Variants in SYNM observed in about 807,000 individuals in gnomAD.
SYNM encodes the protein desmuslin.
Under a neutral mutation model 104.0 loss-of-function variants are expected in SYNM, and 95 were observed. The observed-to-expected ratio is 0.91, with a 90% confidence interval of 0.77 to 1.08. The LOEUF is 1.08. SYNM is among the 50% of genes least tolerant of loss of function. SYNM has a pLI of 0.00. For synonymous variants in SYNM, 918 were observed against 869.0 expected, an observed-to-expected ratio of 1.06 and a Z score of -0.99; for missense variants, 2,150 against 2,052.2, an observed-to-expected ratio of 1.05 and a Z score of -0.92.
rs782689251 is a variant in SYNM, at chr15:99,131,394, G to A, written c.3034G>A (p.Asp1012Asn). 1.5e-5 allele frequency: 24 copies of A among 1,612,150 alleles called. No individual in the cohort carries two copies. The highest frequency in any genetic ancestry group is 2.0e-5 in the Non-Finnish European group (23 of 1,179,282). ...CAACGTCTCACAAACTGTGGATGCC[G>A]ATCGGTTAGACCTGGAGGAGCTGAG... ...EVNVSQTVDA[D>N]RLDLEELSKD... The change falls in exon 4 of 4, where the codon GAT becomes AAT. Residue 1012 changes from aspartate (D) to asparagine (N), a missense_variant. Transcript: ENST00000336292. This position sits in a 1 kb window ranked among gnomAD's most constrained non-coding sequence, Gnocchi z 4.3.
intron 2 of SYNM, among the ~76,000 whole-genome samples, chr15:99,121,560 G>A (rs2067401222): frequency 1.3e-5 from 2 of 152,180 alleles, no homozygotes; most frequent in Admixed American, 1.3e-4. Flanking sequence ...AATTGATGAT[G>A]AGATGGTGAA....
At position 99,132,680 on chromosome 15, in the gene SYNM, G is replaced by A; in HGVS notation, c.4320G>A (p.Lys1440=). The stretch of plus-strand genomic sequence containing the variant: ...CAGCGGACTCCCCTGAGCTAGGCAA[G>A]TTAGCAGACAGCAGCAGAACGCTAA... ...AGSADSPELG[K]LADSSRTLRH... is the part of the protein sequence containing the mutation. Residue 1440 remains lysine (K), a synonymous_variant, in exon 4 of 4, where the codon AAG becomes AAA. Transcript: ENST00000336292. 1 of 1,614,026 alleles carries A rather than the reference G, an allele frequency of 6.2e-7. No individual in the cohort carries two copies. Among genetic ancestry groups the A allele is most frequent in the Non-Finnish European group, 8.5e-7 (1 of 1,179,894 alleles).
Position 99,129,614 on chromosome 15 carries a change from C to T in SYNM, c.1254C>T (p.Ala418=), listed in dbSNP as rs782527382. 5.6e-5 allele frequency: 91 copies of T among 1,613,784 alleles called. No individual in the cohort carries two copies. Among genetic ancestry groups the T allele is most frequent in the Middle Eastern group, 1.6e-4 (1 of 6,084 alleles). The change falls in exon 4 of 4, where the codon GCC becomes GCT. Residue 418 remains alanine, a synonymous_variant. Transcript: ENST00000336292. ...AGCAGGAAAACTCATACGGAAAAGCCGTCAGCAGTCAAACCAACGTCAGAA... is the reference window on the plus strand; with the variant it reads ...AGCAGGAAAACTCATACGGAAAAGCTGTCAGCAGTCAAACCAACGTCAGAA... ...TTQQENSYGK[A]VSSQTNVRTF...
chr15:99,105,718 CG>C lies in SYNM; in HGVS notation c.520del (p.Ala174ProfsTer99). The C allele has an allele frequency of 6.7e-7, 1 of 1,498,384 alleles. No homozygotes were observed. The allele number at this position is 1,498,384 out of a possible 1,614,324, so 92.8% of individuals were successfully genotyped here. A position where few individuals can be genotyped will look rare whatever the true frequency, so the allele number is the denominator to read the frequency against. Reference protein sequence around the residue: ...MHFRARATGPAAPPPRLREVH... With the variant: ...MHFRARATGPXAPPPRLREVH... ...ATTTCCGCGCCCGCGCCACCGGCCCCGCCGCGCCGCCGCCACGCCTGCGGGA... is the reference window on the plus strand; with the variant it reads ...ATTTCCGCGCCCGCGCCACCGGCCCCCCGCGCCGCCGCCACGCCTGCGGGA... On this transcript the variant is annotated frameshift_variant, in exon 1 of 4. Transcript: ENST00000336292. LOFTEE classifies it high-confidence loss of function.
rs569805981 is a variant in SYNM at position 99,116,576 on chromosome 15, C to A, written c.935+2861C>A. ...GTGCTGGCATCTGCTCCTGGTGAAG[C>A]CTCAGGAAGCATACAGTCATGGTGG... On this transcript the variant is annotated intron_variant, in intron 2 of 3. Coordinates refer to ENST00000336292, the MANE Select transcript of SYNM (RefSeq NM_145728.3). 3.2e-4 allele frequency among the ~76,000 whole-genome samples: 46 copies of A among 143,908 alleles called. 5 individuals carry two copies. The highest frequency in any genetic ancestry group is 2.8e-3 in the Admixed American group (39 of 14,032). The allele number at this position is 143,908 out of a possible 152,430, so 94.4% of individuals were successfully genotyped here.
In SYNM at chr15:99,105,547, G is replaced by C. The variant is rs543379709; in HGVS notation, c.348G>C (p.Gln116His). ...RGRLDAELGA[Q>H]QRELQEALGA... is the part of the protein sequence containing the mutation. ...GCCTGGACGCCGAGCTGGGTGCGCA[G>C]CAGCGCGAGCTGCAGGAGGCGCTGG... Residue 116 changes from glutamine to histidine, a missense_variant, in exon 1 of 4, where the codon CAG becomes CAC. By Grantham distance (24) the Gln-to-His change is conservative. Transcript: ENST00000336292. The C allele has an allele frequency of 8.3e-7, 1 of 1,210,682 alleles. No individual in the cohort carries two copies. Among genetic ancestry groups the C allele is most frequent in the East Asian group, 3.7e-5 (1 of 27,216 alleles). 75.0% of individuals were successfully genotyped at this position (1,210,682 alleles called of 1,614,324 possible). A position where few individuals can be genotyped will look rare whatever the true frequency, so the allele number is the denominator to read the frequency against.
At chr15:99,128,173 A>G (rs1374495748) in intron 3 of SYNM, among the ~76,000 whole-genome samples, 1 of 152,212 alleles carries the variant, frequency 6.6e-6, no homozygotes, top group Non-Finnish European at 1.5e-5. Context: ...GCTTCTAGAT[A>G]GTTCTGTTCT....
At chr15:99,141,616 T>C in the SYNM span, among the ~76,000 whole-genome samples, 2 of 152,138 alleles carry the variant, frequency 1.3e-5, no homozygotes, top group East Asian at 3.8e-4. Context: ...TAAAAAAAAG[T>C]GTGAGGGTTT....
downstream of SYNM, chr15:99,138,050 G>T (rs782225366): frequency 4.0e-5 from 65 of 1,613,934 alleles, no homozygotes; most frequent in Non-Finnish European, 5.2e-5. Flanking sequence ...CCCCAGCAGG[G>T]TGTCCTGAGG....
the SYNM span, chr15:99,140,695 A>C: frequency 6.6e-6 from 1 of 152,206 alleles, no homozygotes; most frequent in Non-Finnish European, 1.5e-5. Flanking sequence ...GAGGTAGGGA[A>C]GTATTTCTTA....
intron 1 of SYNM, among the ~76,000 whole-genome samples, chr15:99,110,775 C>G (rs2067293683): frequency 6.6e-6 from 1 of 152,152 alleles, no homozygotes; most frequent in Admixed American, 6.5e-5. Flanking sequence ...CTCTAAATAG[C>G]AAAAAGGTGA....
downstream of SYNM, among the ~76,000 whole-genome samples, chr15:99,138,579 C>G (rs2067827597): frequency 6.6e-6 from 1 of 152,218 alleles, no homozygotes; most frequent in African/African-American, 2.4e-5. Context: ...TCCCAAGGTG[C>G]TGGGATTATA....
chr15:99,126,624 C>T, intron 2 of SYNM, 98 bp from the exon 3 acceptor site: 1 of 1,174,382 alleles, frequency 8.5e-7, no homozygotes, highest in African/African-American at 1.5e-5. Flanking sequence ...AAACAGGTGA[C>T]ACTATGGTCA....
intron 2 of SYNM, among the ~76,000 whole-genome samples, chr15:99,122,818 G>A (rs782532506): frequency 6.6e-6 from 1 of 152,164 alleles, no homozygotes. Context: ...CAGCCTGGGC[G>A]ACAGAGCAAG....
chr15:99,129,090 T>C (rs1220351725), intron 3 of SYNM: 3 of 430,380 alleles, frequency 7.0e-6, no homozygotes, highest in South Asian at 2.9e-5. Flanking sequence ...TTGTGCTTTA[T>C]GATTAATGTT....
At chr15:99,136,290 A>G (rs2151814221), downstream of SYNM, 1 of 152,388 alleles carries the variant, frequency 6.6e-6, no homozygotes, top group South Asian at 2.1e-4. Context: ...TGTGATTCCA[A>G]GCTACGCTTC....
intron 2 of SYNM, among the ~76,000 whole-genome samples, chr15:99,123,034 C>T (rs148996206): frequency 1.3e-5 from 2 of 152,240 alleles, no homozygotes; most frequent in Admixed American, 6.5e-5. Flanking sequence ...ACGACGTGAT[C>T]GCTGATGTTT....
chr15:99,125,550 C>A (rs1567280793), intron 2 of SYNM, among the ~76,000 whole-genome samples: 1 of 152,280 alleles, frequency 6.6e-6, no homozygotes, highest in Non-Finnish European at 1.5e-5. Context: ...CCTTTGCTTT[C>A]TTCCAGCTGC....
At chr15:99,126,888 A>G in intron 3 of SYNM, 96 bp downstream of exon 3, 1 of 1,113,060 alleles carries the variant, frequency 9.0e-7, no homozygotes, top group Non-Finnish European at 1.3e-6. Context: ...AGAACGGGTT[A>G]GATATGGTGT....
Sources: allele counts gnomAD v4.1 joint callset (sites outside exome capture counted in the v4.1 genomes callset), GRCh38; gene constraint gnomAD v4.1.1; non-coding constraint Gnocchi (gnomAD v3.1); transcripts MANE v1.5; gene names NCBI Gene and HGNC (gene_info 2026-07-23, HGNC 2026-07-21).